ARF4: variants seen among roughly 807,000 people sequenced by gnomAD.
ARF4 encodes ADP-ribosylation factor 4.
Under a neutral mutation model 24.3 loss-of-function variants are expected in ARF4, and 5 were observed. The observed-to-expected ratio is 0.21, with a 90% CI of 0.11 to 0.43. The LOEUF (loss-of-function observed/expected upper bound fraction) is 0.43, where lower values mean the gene tolerates loss of function less well. ARF4 is among the 20% of genes least tolerant of loss of function. The probability of loss-of-function intolerance (pLI) is 1.00; values close to 1 mark genes in which losing one functional copy is unlikely to be tolerated. For synonymous variants in ARF4, 62 were observed against 73.5 expected (o/e 0.84, Z 0.80); for missense variants, 107 against 213.0 (o/e 0.50, Z 3.10).
At chr3:57,581,316 T>G (rs1242263519) in intron 3 of ARF4, among the ~76,000 whole-genome samples, 1 of 152,082 alleles carries the variant, frequency 6.6e-6, no homozygotes, top group Non-Finnish European at 1.5e-5. Flanking sequence ...ATGAACTCCC[T>G]AGGAAGCAGT....
chr3:57,576,330 C>T (rs370503380), intron 4 of ARF4, among the ~76,000 whole-genome samples: 18 of 151,836 alleles, frequency 1.2e-4, no homozygotes, highest in East Asian at 7.7e-4. Context: ...GTGTGGTGTA[C>T]GAGAGGAAGG....
intron 1 of ARF4, among the ~76,000 whole-genome samples, chr3:57,590,089 CAATA>C (rs71088095): frequency 0.24 from 33,030 of 134,870 alleles, 4,023 homozygotes; most frequent in East Asian, 0.31. Flanking sequence ...GACTCTGTCT[CAATA>C]AATAAATAAA....
At chr3:57,589,223 G>C (rs905863256) in intron 1 of ARF4, among the ~76,000 whole-genome samples, 2 of 152,050 alleles carry the variant, frequency 1.3e-5, no homozygotes, top group Admixed American at 6.6e-5. Context: ...AGCTGTGATC[G>C]CACCACTGTG....
At chr3:57,574,829 G>A (rs1250029934) in intron 5 of ARF4, among the ~76,000 whole-genome samples, 4 of 151,960 alleles carry the variant, frequency 2.6e-5, no homozygotes, top group African/African-American at 9.7e-5. Flanking sequence ...GACCAGCCTA[G>A]CAACAAAGCG....
intron 5 of ARF4, among the ~76,000 whole-genome samples, chr3:57,574,616 G>A (rs780786043): frequency 2.8e-4 from 42 of 151,910 alleles, no homozygotes; most frequent in Non-Finnish European, 5.7e-4. Context: ...TTTGTTGCCC[G>A]GGCTGGTTTG....
intron 1 of ARF4, among the ~76,000 whole-genome samples, chr3:57,589,537 G>A (rs890226897): frequency 4.6e-5 from 7 of 151,900 alleles, no homozygotes; most frequent in Non-Finnish European, 8.8e-5. Context: ...GGCCAACGTG[G>A]TGAAACCCAG....
intron 2 of ARF4, 23 bp from the exon 3 acceptor site, chr3:57,584,030 C>A (rs2070006903): frequency 6.8e-7 from 1 of 1,480,874 alleles, no homozygotes; most frequent in South Asian, 1.2e-5. Context: ...ACAAAAATGA[C>A]CGCTGTGCAG....
At chr3:57,580,447 G>A (rs2069956472) in intron 3 of ARF4, among the ~76,000 whole-genome samples, 1 of 151,986 alleles carries the variant, frequency 6.6e-6, no homozygotes, top group Non-Finnish European at 1.5e-5. Context: ...TGTCCCCCAG[G>A]CTGGAGTACA....
intron 1 of ARF4, 132 bp from the exon 2 acceptor site, chr3:57,584,596 T>C (rs1049886628): frequency 4.2e-5 from 32 of 758,466 alleles, no homozygotes; most frequent in Non-Finnish European, 6.8e-5. Flanking sequence ...AGAAATGAAA[T>C]GACCTTATTT....
At chr3:57,576,928 T>G (rs2069912309) in intron 4 of ARF4, among the ~76,000 whole-genome samples, 1 of 152,240 alleles carries the variant, frequency 6.6e-6, no homozygotes, top group East Asian at 1.9e-4. Context: ...ACAAAACATC[T>G]GAACCAAGAT....
chr3:57,581,502 C>T (rs998736255), intron 3 of ARF4, among the ~76,000 whole-genome samples: 1 of 152,274 alleles, frequency 6.6e-6, no homozygotes, highest in African/African-American at 2.4e-5. Context: ...TCATATCTAA[C>T]TCTTTCAAAA....
At chr3:57,577,581 A>C (rs2069921911) in intron 3 of ARF4, among the ~76,000 whole-genome samples, 194 bp from the exon 4 acceptor site, 1 of 152,206 alleles carries the variant, frequency 6.6e-6, no homozygotes, top group African/African-American at 2.4e-5. Context: ...TGCTATTTCA[A>C]ATCTAAAAAA....
Position 57,572,145 on chromosome 3 carries a change from T to A in ARF4, c.*67A>T. 1 of 1,261,814 alleles carries A rather than the reference T, an allele frequency of 7.9e-7. No homozygotes were observed. Among genetic ancestry groups the A allele is most frequent in the Admixed American group, 1.7e-5 (1 of 59,084 alleles). 78.2% of individuals were successfully genotyped at this position (1,261,814 alleles called of 1,614,324 possible). A position where few individuals can be genotyped will look rare whatever the true frequency, so the allele number is the denominator to read the frequency against. On this transcript the variant is annotated 3_prime_UTR_variant, in exon 6 of 6. Coordinates refer to ENST00000303436, the MANE Select transcript of ARF4 (RefSeq NM_001660.4). Reference sequence around the variant, plus strand: ...ACTGTTTAATAACCAAGATACAAACTAATTTTGTTGTAACAAGCCTAGACC... The same window carrying A: ...ACTGTTTAATAACCAAGATACAAACAAATTTTGTTGTAACAAGCCTAGACC...
chr3:57,584,571 A>G (rs565571096), intron 1 of ARF4, 107 bp from the exon 2 acceptor site: 1 of 930,630 alleles, frequency 1.1e-6, no homozygotes, highest in African/African-American at 1.7e-5. Flanking sequence ...GTTCAAGACA[A>G]CTTCTAAATG....
chr3:57,579,498 G>A (rs1032014317), intron 3 of ARF4, among the ~76,000 whole-genome samples: 36 of 151,852 alleles, frequency 2.4e-4, no homozygotes, highest in African/African-American at 8.7e-4. Flanking sequence ...ATGTTGGCCA[G>A]GTTAGTCTTG....
intron 1 of ARF4, among the ~76,000 whole-genome samples, chr3:57,587,270 G>A (rs1368506886): frequency 7.3e-6 from 1 of 137,424 alleles, no homozygotes; most frequent in East Asian, 2.3e-4. Context: ...AGTGAGCCGA[G>A]ATCGTGCCAT....
chr3:57,588,835 GC>G (rs141813415), intron 1 of ARF4, among the ~76,000 whole-genome samples: 1,967 of 151,078 alleles, frequency 0.013, 41 homozygotes, highest in African/African-American at 0.045. Context: ...AGGCACAGTG[GC>G]TCACACCTGT....
chr3:57,583,946 A>C lies in ARF4; in HGVS notation c.210T>G (p.Gly70=), dbSNP rs1489075753. 1 of 1,612,502 alleles carries C rather than the reference A, an allele frequency of 6.2e-7. No individual in the cohort carries two copies. Among genetic ancestry groups the C allele is most frequent in the African/African-American group, 1.3e-5 (1 of 74,860 alleles). Residue 70 remains glycine, a synonymous_variant, in exon 3 of 6, where the codon GGT becomes GGG. Coordinates refer to ENST00000303436, the MANE Select transcript of ARF4 (RefSeq NM_001660.4). ...TCCAGAGAGGCCTAATTCTATCTTG[A>C]CCACCAACATCCCATACTGTGAAAC... ...NICFTVWDVG[G]QDRIRPLWKH... is the part of the protein sequence containing the mutation.
At position 57,575,691 on chromosome 3, in the gene ARF4, GGC is replaced by G; in HGVS notation, c.331-20_331-19del. On this transcript the variant is annotated intron_variant, in intron 4 of 5. Transcript: ENST00000303436. The stretch of plus-strand genomic sequence containing the variant: ...ACCAGAAGCTGGAAATAAAAGGTAA[GGC>G]ATTAACAACTACCAACCGGAATCCA... 6.3e-7 allele frequency: 1 copy of G among 1,598,270 alleles called. No homozygotes were observed. The highest frequency in any genetic ancestry group is 1.3e-5 in the African/African-American group (1 of 74,222).
Sources: gnomAD v4.1 joint callset for allele counts (sites outside exome capture counted in the v4.1 genomes callset) on GRCh38, gnomAD v4.1.1 for gene constraint, MANE v1.5 for transcripts, NCBI Gene and HGNC (gene_info 2026-07-23, HGNC 2026-07-21) for gene names.